FAXDC2: variants seen among roughly 807,000 people sequenced by gnomAD.
FAXDC2 encodes fatty acid hydroxylase domain containing 2, also known as fatty acid hydroxylase domain-containing protein 2.
FAXDC2 carries 41 observed loss-of-function variants against 40.9 expected under a neutral mutation model. That is an observed-to-expected ratio of 1.00 (90% CI 0.78 to 1.30). The LOEUF is 1.30. Among genes scored for constraint, FAXDC2 ranks in the 50% most tolerant of loss-of-function variants. The pLI is 0.00. For synonymous variants in FAXDC2, 157 were observed against 149.3 expected, an observed-to-expected ratio of 1.05 and a Z score of -0.38; for missense variants, 390 against 408.8, an observed-to-expected ratio of 0.95 and a Z score of 0.40.
rs117070434 is a variant in FAXDC2 at position 154,846,137 on chromosome 5, C to T, written c.-1+4346G>A. Among the ~76,000 whole-genome samples the T allele has an allele frequency of 1.6e-4, 25 of 152,038 alleles. 1 individual carries two copies. In the East Asian group the frequency reaches 4.6e-3, roughly 28 times the overall value. On this transcript the variant is annotated intron_variant, in intron 1 of 8. Coordinates refer to ENST00000326080, the MANE Select transcript of FAXDC2 (RefSeq NM_032385.5). ...TTAGTGGCAGAACTTGAATTCAGTG[C>T]TCATTATACCAACTGAGACTACAAA...
At chr5:154,843,228 T>TATGCC (rs756985943) in intron 1 of FAXDC2, among the ~76,000 whole-genome samples, 2 of 152,350 alleles carry the variant, frequency 1.3e-5, no homozygotes, top group Non-Finnish European at 2.9e-5. Context: ...CTCTTTTTGC[T>TATGCC]ATGCCATGCC....
At position 154,838,207 on chromosome 5, in the gene FAXDC2, G is replaced by A. The variant is rs751079259; in HGVS notation, c.1-29C>T. Reference sequence around the variant, plus strand: ...GAATGAGAAAGCACAGGCGAGCCGGGGAGTTATTTTCATAAACATCTAAGG... The same window carrying A: ...GAATGAGAAAGCACAGGCGAGCCGGAGAGTTATTTTCATAAACATCTAAGG... On this transcript the variant is annotated intron_variant, in intron 1 of 8. Transcript: ENST00000326080. 3.1e-6 allele frequency: 5 copies of A among 1,609,020 alleles called. No homozygotes were observed. The South Asian group carries it at 4.4e-5, about 14-fold the overall frequency.
At position 154,821,245 on chromosome 5, in the gene FAXDC2, G is replaced by A; in HGVS notation, c.845+15C>T. 6.2e-7 allele frequency: 1 copy of A among 1,608,164 alleles called. No homozygotes were observed. The highest frequency in any genetic ancestry group is 8.5e-7 in the Non-Finnish European group (1 of 1,176,752). The stretch of plus-strand genomic sequence containing the variant: ...GTTGTTGCCTAGGGACCCATTGTGG[G>A]GAGAAGGTCCTTACTTGAGATGGTG... On this transcript the variant is annotated intron_variant, in intron 8 of 8. Coordinates refer to ENST00000326080, the MANE Select transcript of FAXDC2 (RefSeq NM_032385.5).
chr5:154,820,233 G>T lies in FAXDC2; in HGVS notation c.*83C>A. 1 of 1,203,264 alleles carries T rather than the reference G, an allele frequency of 8.3e-7. No individual in the cohort carries two copies. Among genetic ancestry groups the T allele is most frequent in the Non-Finnish European group, 1.2e-6 (1 of 855,884 alleles). The allele number at this position is 1,203,264 out of a possible 1,614,324, so 74.5% of individuals were successfully genotyped here. A position where few individuals can be genotyped will look rare whatever the true frequency, so the allele number is the denominator to read the frequency against. On this transcript the variant is annotated 3_prime_UTR_variant, in exon 9 of 9. Transcript: ENST00000326080. ...CCATCATTAGGGCGTGTGGCCGAAG[G>T]AGGCAAATTGTTAGGTGCAATCAGG... is the stretch of plus-strand genomic sequence containing the variant.
At chr5:154,836,564 C>G (rs181075187) in intron 2 of FAXDC2, among the ~76,000 whole-genome samples, 1 of 152,152 alleles carries the variant, frequency 6.6e-6, no homozygotes, top group Non-Finnish European at 1.5e-5. Flanking sequence ...CTGTGTGTGC[C>G]TGGGGCTCAT....
At chr5:154,842,365 T>C (rs1760495013) in intron 1 of FAXDC2, among the ~76,000 whole-genome samples, 1 of 136,746 alleles carries the variant, frequency 7.3e-6, no homozygotes, top group Admixed American at 7.3e-5. Context: ...GCCCGGCTAA[T>C]TTTTTTGTAT....
At chr5:154,831,099 C>T in intron 4 of FAXDC2, 177 bp from the exon 5 acceptor site, 2 of 566,386 alleles carry the variant, frequency 3.5e-6, no homozygotes, top group Non-Finnish European at 6.1e-6. Flanking sequence ...CTTGGACAGG[C>T]CATTTAAGGA....
In FAXDC2 at chr5:154,819,412, T is replaced by A. The variant is rs1314970473; in HGVS notation, c.*904A>T. 6.6e-6 allele frequency: 1 copy of A among 152,166 alleles called. No homozygotes were observed. Among genetic ancestry groups the A allele is most frequent in the Non-Finnish European group, 1.5e-5 (1 of 68,024 alleles). 9.4% of individuals were successfully genotyped at this position (152,166 alleles called of 1,614,324 possible). A position where few individuals can be genotyped will look rare whatever the true frequency, so the allele number is the denominator to read the frequency against. On this transcript the variant is annotated 3_prime_UTR_variant, in exon 9 of 9. Coordinates refer to ENST00000326080, the MANE Select transcript of FAXDC2 (RefSeq NM_032385.5). ...ATTTTGCTCTTTGCTCTGCCATGTT[T>A]TTCCGGGCTCTTTCTTCGGGGAGAA...
intron 1 of FAXDC2, among the ~76,000 whole-genome samples, chr5:154,839,766 A>G (rs1760437007): frequency 6.6e-6 from 1 of 152,104 alleles, no homozygotes; most frequent in Non-Finnish European, 1.5e-5. Flanking sequence ...TTTTAAATTT[A>G]AATAATAGTA....
chr5:154,844,729 A>G (rs778126559), intron 1 of FAXDC2, among the ~76,000 whole-genome samples: 1 of 152,236 alleles, frequency 6.6e-6, no homozygotes, highest in Non-Finnish European at 1.5e-5. Flanking sequence ...AGAATCAGAT[A>G]TTGAAATTAA....
chr5:154,832,761 A>G (rs1055074420), intron 4 of FAXDC2, among the ~76,000 whole-genome samples: 1 of 152,206 alleles, frequency 6.6e-6, no homozygotes, highest in Non-Finnish European at 1.5e-5. Context: ...TACCTAACAT[A>G]TATAAAATAT....
chr5:154,838,329 AT>A, intron 1 of FAXDC2, 151 bp from the exon 2 acceptor site: 1 of 684,350 alleles, frequency 1.5e-6, no homozygotes, highest in Non-Finnish European at 2.5e-6. Context: ...AGACAAATTG[AT>A]TTGAAAACTT....
chr5:154,828,639 C>T (rs1328194694), intron 5 of FAXDC2, among the ~76,000 whole-genome samples: 3 of 151,680 alleles, frequency 2.0e-5, no homozygotes, highest in African/African-American at 7.3e-5. Context: ...CTCTGTCTCC[C>T]AGGCTGGAGT....
At chr5:154,823,179 T>G (rs1759930910) in intron 6 of FAXDC2, 1 of 554,458 alleles carries the variant, frequency 1.8e-6, no homozygotes, top group Non-Finnish European at 3.2e-6. Context: ...GCCTGGCTAA[T>G]TTTTTAAATT....
Position 154,823,532 on chromosome 5 carries a change from A to G in FAXDC2, c.427T>C (p.Ser143Pro), listed in dbSNP as rs1441717851. The G allele has an allele frequency of 3.1e-6, 5 of 1,614,116 alleles. No individual in the cohort carries two copies. In the Admixed American group the frequency reaches 8.3e-5, roughly 27 times the overall value. ...RTVLFNQCMI[S>P]FPMVVFLYPF... Reference sequence around the variant, plus strand: ...TAGAGGAAGACCACCATGGGGAAAGATATCATGCACTGGTTGAAAAGAACT... The same window carrying G: ...TAGAGGAAGACCACCATGGGGAAAGGTATCATGCACTGGTTGAAAAGAACT... Residue 143 changes from serine (S) to proline (P), a missense_variant, in exon 6 of 9, where the codon TCT becomes CCT. Transcript: ENST00000326080.
intron 1 of FAXDC2, among the ~76,000 whole-genome samples, chr5:154,849,702 C>A (rs185304275): frequency 5.3e-5 from 8 of 152,260 alleles, no homozygotes; most frequent in African/African-American, 1.9e-4. Context: ...ATCTGTATAT[C>A]CCACTCAAAG....
intron 5 of FAXDC2, among the ~76,000 whole-genome samples, chr5:154,826,040 A>T (rs1307250304): frequency 6.6e-6 from 1 of 152,080 alleles, no homozygotes; most frequent in East Asian, 1.9e-4. Context: ...TTCAGTAGAG[A>T]GTTCTGGGCT....
chr5:154,834,756 G>T, intron 3 of FAXDC2, 28 bp from the exon 4 acceptor site: 1 of 1,604,494 alleles, frequency 6.2e-7, no homozygotes, highest in East Asian at 2.2e-5. Flanking sequence ...GTTTCTGGGT[G>T]AAGACTAGTG....
chr5:154,832,331 A>G (rs1760214063), intron 4 of FAXDC2, among the ~76,000 whole-genome samples: 1 of 151,064 alleles, frequency 6.6e-6, no homozygotes, highest in African/African-American at 2.4e-5. Context: ...CTCCTGCCTC[A>G]GCCTCCTGAG....
Sources: gnomAD v4.1 joint callset for allele counts (sites outside exome capture counted in the v4.1 genomes callset) on GRCh38, gnomAD v4.1.1 for gene constraint, MANE v1.5 for transcripts, NCBI Gene and HGNC (gene_info 2026-07-23, HGNC 2026-07-21) for gene names.